Variants in KLHL20 observed in about 807,000 individuals in gnomAD.
The protein encoded by KLHL20 is kelch like family member 20.
KLHL20 carries 29 observed loss-of-function variants against 69.5 expected under a neutral mutation model. The ratio of observed to expected loss-of-function variants is 0.42; its 90% CI spans 0.31 to 0.57. The LOEUF is 0.57. KLHL20 is among the 20% of genes least tolerant of loss of function. The pLI is 0.18. For synonymous variants in KLHL20, 253 were observed against 265.2 expected, an observed-to-expected ratio of 0.95 and a Z score of 0.45; for missense variants, 419 against 776.0, an observed-to-expected ratio of 0.54 and a Z score of 5.47.
At chr1:173,764,399 A>G (rs1647540338) in intron 7 of KLHL20, among the ~76,000 whole-genome samples, 1 of 150,972 alleles carries the variant, frequency 6.6e-6, no homozygotes, top group South Asian at 2.1e-4. Flanking sequence ...AAAAGAAGTC[A>G]TTAATCGAAA....
In KLHL20 at chr1:173,771,397, G is replaced by A. The variant is rs551982999; in HGVS notation, c.1296-2908G>A. 8.3e-4 allele frequency among the ~76,000 whole-genome samples: 127 copies of A among 152,182 alleles called. 1 individual carries two copies. The highest frequency in any genetic ancestry group is 2.9e-3 in the African/African-American group (122 of 41,514). ...TTAGCCTGAGTGACAGAGCAAGACCGTGTCTCTTAAAAATAAATACATAGA... is the reference window on the plus strand; with the variant it reads ...TTAGCCTGAGTGACAGAGCAAGACCATGTCTCTTAAAAATAAATACATAGA... On this transcript the variant is annotated intron_variant, in intron 8 of 11. Transcript: ENST00000209884.
At chr1:173,715,774 A>G (rs1671439297) in intron 1 of KLHL20, 2 of 451,884 alleles carry the variant, frequency 4.4e-6, no homozygotes, top group Non-Finnish European at 7.9e-6. Flanking sequence ...AGTCGGGACT[A>G]TTTAGCATAC....
intron 2 of KLHL20, among the ~76,000 whole-genome samples, chr1:173,720,886 GT>G (rs1671683532): frequency 6.6e-6 from 1 of 152,116 alleles, no homozygotes; most frequent in Non-Finnish European, 1.5e-5. Context: ...AGATTATTGT[GT>G]TTAGGAAACA....
At chr1:173,760,716 A>G (rs1194497800) in intron 7 of KLHL20, among the ~76,000 whole-genome samples, 1 of 152,218 alleles carries the variant, frequency 6.6e-6, no homozygotes, top group Non-Finnish European at 1.5e-5. Flanking sequence ...TTCTAAAAGG[A>G]GCTGTAAATC....
intron 10 of KLHL20, among the ~76,000 whole-genome samples, chr1:173,778,458 A>C (rs866086546): frequency 2.0e-4 from 30 of 151,724 alleles, no homozygotes; most frequent in African/African-American, 6.8e-4. Flanking sequence ...TCTCCCCATT[A>C]GCTGGGACTA....
intron 2 of KLHL20, among the ~76,000 whole-genome samples, chr1:173,727,604 T>C (rs991739324): frequency 5.9e-5 from 9 of 152,142 alleles, no homozygotes; most frequent in African/African-American, 2.2e-4. Flanking sequence ...TTCAACATTC[T>C]TAAAGAAAAG....
At chr1:173,768,445 G>A (rs1441061561) in intron 8 of KLHL20, among the ~76,000 whole-genome samples, 2 of 152,118 alleles carry the variant, frequency 1.3e-5, no homozygotes, top group South Asian at 2.1e-4. Context: ...ATGTTGAAAC[G>A]TTTAACTGTT....
At chr1:173,749,800 C>T (rs1477109237) in intron 3 of KLHL20, among the ~76,000 whole-genome samples, 1 of 152,042 alleles carries the variant, frequency 6.6e-6, no homozygotes, top group African/African-American at 2.4e-5. Context: ...CACAAAGATA[C>T]ACAATACCAT....
intron 7 of KLHL20, among the ~76,000 whole-genome samples, chr1:173,758,143 G>A (rs1487722727): frequency 4.6e-5 from 7 of 151,790 alleles, no homozygotes; most frequent in Non-Finnish European, 5.9e-5. Flanking sequence ...AGTGGTGCAC[G>A]CCTGTGAGTC....
At chr1:173,722,736 G>C (rs1373937406) in intron 2 of KLHL20, among the ~76,000 whole-genome samples, 1 of 148,964 alleles carries the variant, frequency 6.7e-6, no homozygotes, top group African/African-American at 2.5e-5. Flanking sequence ...TCCCAGGCTG[G>C]AGTAGTGCAG....
chr1:173,763,921 C>A (rs1647503588), intron 7 of KLHL20, among the ~76,000 whole-genome samples: 1 of 148,842 alleles, frequency 6.7e-6, no homozygotes, highest in East Asian at 2.0e-4. Flanking sequence ...TGTTGCATGG[C>A]AAAAGTAACA....
At chr1:173,768,461 T>TTAAATAACGTTTAC (rs1237725095) in intron 8 of KLHL20, among the ~76,000 whole-genome samples, 12 of 152,258 alleles carry the variant, frequency 7.9e-5, no homozygotes, top group Non-Finnish European at 1.6e-4. Flanking sequence ...CTGTTGTAAG[T>TTAAATAACGTTTAC]AGAGATAAAA....
chr1:173,756,958 T>C lies in KLHL20; in HGVS notation c.968-18T>C. On this transcript the variant is annotated intron_variant, in intron 6 of 11. Coordinates refer to ENST00000209884, the MANE Select transcript of KLHL20 (RefSeq NM_014458.4). ...CTTCAGGATAGGATTCTCTTGACCA[T>C]TTCTGTTACTTCCCCAGTTGGTGGT... The C allele has an allele frequency of 4.2e-5, 67 of 1,610,864 alleles. No individual in the cohort carries two copies. The highest frequency in any genetic ancestry group is 5.7e-5 in the Non-Finnish European group (67 of 1,177,842).
chr1:173,785,903 T>G lies in KLHL20; in HGVS notation c.*656T>G, dbSNP rs985020081. 13 of 152,206 alleles carry G rather than the reference T, an allele frequency of 8.5e-5. No homozygotes were observed. The highest frequency in any genetic ancestry group is 2.9e-4 in the African/African-American group (12 of 41,454). The allele number at this position is 152,206 out of a possible 1,614,324, so 9.4% of individuals were successfully genotyped here. On this transcript the variant is annotated 3_prime_UTR_variant, in exon 12 of 12. Transcript: ENST00000209884. ...TTTCTTTCTATATGAACTTGTTTAT[T>G]TAGTCTTTTTTTCATAATATTCTCA...
chr1:173,780,769 C>T (rs913953796), intron 10 of KLHL20, among the ~76,000 whole-genome samples: 44 of 152,006 alleles, frequency 2.9e-4, no homozygotes, highest in Non-Finnish European at 1.6e-4. Context: ...CTTGCTCTGT[C>T]ATCTAGGCTG....
chr1:173,774,813 TTTTG>T (rs1190305237), intron 9 of KLHL20, among the ~76,000 whole-genome samples: 3 of 152,116 alleles, frequency 2.0e-5, no homozygotes, highest in Admixed American at 1.3e-4. Flanking sequence ...TGGGTTTTGT[TTTTG>T]TTTGTGTTTT....
intron 3 of KLHL20, among the ~76,000 whole-genome samples, chr1:173,737,240 ATT>A (rs1354815308): frequency 2.6e-5 from 4 of 151,944 alleles, no homozygotes; most frequent in Admixed American, 6.6e-5. Flanking sequence ...AGTTCCATCT[ATT>A]TATCTTTGTT....
chr1:173,718,832 C>T (rs550791106), intron 2 of KLHL20, among the ~76,000 whole-genome samples: 6 of 152,264 alleles, frequency 3.9e-5, no homozygotes, highest in East Asian at 3.9e-4. Context: ...TGGCTGGGTG[C>T]GGTGGCTCAC....
intron 5 of KLHL20, among the ~76,000 whole-genome samples, chr1:173,754,840 A>G (rs968152232): frequency 1.3e-5 from 2 of 152,140 alleles, no homozygotes; most frequent in African/African-American, 4.8e-5. Context: ...TTCTTCCTCT[A>G]TAAAGTGAGG....
Sources: allele counts gnomAD v4.1 joint callset (sites outside exome capture counted in the v4.1 genomes callset), GRCh38; gene constraint gnomAD v4.1.1; transcripts MANE v1.5; gene names NCBI Gene and HGNC (gene_info 2026-07-23, HGNC 2026-07-21).